The following GALNT13 variants were observed in gnomAD, a reference collection of about 807,000 sequenced individuals.
GALNT13 encodes polypeptide N-acetylgalactosaminyltransferase 13.
Under a neutral mutation model 64.2 loss-of-function variants are expected in GALNT13, and 28 were observed. The observed-to-expected ratio is 0.44, with a 90% confidence interval of 0.32 to 0.60. The LOEUF is 0.60. GALNT13 is among the 20% of genes least tolerant of loss of function. The pLI is 0.05. For missense variants in GALNT13, 577 were observed against 669.8 expected, an observed-to-expected ratio of 0.86 and a Z score of 1.53; for synonymous variants, 214 against 224.6, an observed-to-expected ratio of 0.95 and a Z score of 0.42.
At chr2:153,169,332 C>T in the GALNT13 span, among the ~76,000 whole-genome samples, 2 of 152,230 alleles carry the variant, frequency 1.3e-5, no homozygotes, top group African/African-American at 4.8e-5. Flanking sequence ...GTTTTTGATT[C>T]AGGTGGACAG....
chr2:153,425,075 G>T, the GALNT13 span, among the ~76,000 whole-genome samples: 1 of 151,664 alleles, frequency 6.6e-6, no homozygotes, highest in South Asian at 2.1e-4. Context: ...ATTATATATT[G>T]CAGTGGATAT....
chr2:153,907,732 T>C (rs1223483583), intron 2 of GALNT13, among the ~76,000 whole-genome samples: 1 of 151,948 alleles, frequency 6.6e-6, no homozygotes, highest in Non-Finnish European at 1.5e-5. Context: ...AAGGATATGA[T>C]CTAATTTTTT....
chr2:154,172,839 A>G (rs1467848319), intron 4 of GALNT13, among the ~76,000 whole-genome samples: 3 of 152,060 alleles, frequency 2.0e-5, no homozygotes, highest in Non-Finnish European at 2.9e-5. Context: ...AAAAAAATTG[A>G]TAGATATTCT....
intron 2 of GALNT13, among the ~76,000 whole-genome samples, chr2:153,929,981 C>T (rs1690404529): frequency 6.6e-6 from 1 of 152,132 alleles, no homozygotes; most frequent in Non-Finnish European, 1.5e-5. Flanking sequence ...TATAAACATT[C>T]CCTTTTCTCC....
At chr2:153,208,973 C>CTTTTTTT in the GALNT13 span, among the ~76,000 whole-genome samples, 4,410 of 74,620 alleles carry the variant, frequency 0.059, 692 homozygotes, top group Non-Finnish European at 0.085. Context: ...TGGTTTTGGT[C>CTTTTTTT]TTTTTTTTTT....
chr2:153,331,122 C>T, the GALNT13 span, among the ~76,000 whole-genome samples: 1 of 152,078 alleles, frequency 6.6e-6, no homozygotes, highest in African/African-American at 2.4e-5. Context: ...AGAAGTGAAG[C>T]CTACATGATC....
the GALNT13 span, among the ~76,000 whole-genome samples, chr2:153,116,794 CTTTTTT>C: frequency 3.6e-5 from 3 of 82,466 alleles, no homozygotes; most frequent in African/African-American, 1.3e-4. Context: ...GTGTTGTCTT[CTTTTTT>C]TTTTTTTTTT....
At chr2:153,326,579 G>T in the GALNT13 span, among the ~76,000 whole-genome samples, 1 of 152,094 alleles carries the variant, frequency 6.6e-6, no homozygotes, top group African/African-American at 2.4e-5. Flanking sequence ...TCTTCATAGT[G>T]TCGATGGTCT....
intron 3 of GALNT13, among the ~76,000 whole-genome samples, chr2:154,005,668 G>A (rs541109836): frequency 1.1e-4 from 17 of 151,942 alleles, no homozygotes; most frequent in African/African-American, 2.4e-4. Context: ...TCCCAGATGC[G>A]TACAAATATA....
At chr2:154,229,299 A>T (rs1461857250) in intron 4 of GALNT13, among the ~76,000 whole-genome samples, 1 of 152,056 alleles carries the variant, frequency 6.6e-6, no homozygotes, top group Non-Finnish European at 1.5e-5. Flanking sequence ...TATGGCCCAT[A>T]GCCAACGTAT....
At chr2:154,001,641 G>T (rs1184230111) in intron 3 of GALNT13, among the ~76,000 whole-genome samples, 1 of 151,764 alleles carries the variant, frequency 6.6e-6, no homozygotes, top group Non-Finnish European at 1.5e-5. Flanking sequence ...AACAATTATG[G>T]TAGCTATTAT....
chr2:154,373,937 G>A (rs1324875143), intron 9 of GALNT13, among the ~76,000 whole-genome samples: 1 of 152,018 alleles, frequency 6.6e-6, no homozygotes, highest in Non-Finnish European at 1.5e-5. Context: ...CCATTTTTTG[G>A]TCTCAAGAAG....
the GALNT13 span, among the ~76,000 whole-genome samples, chr2:153,769,912 T>C: frequency 2.0e-5 from 3 of 152,236 alleles, no homozygotes; most frequent in African/African-American, 7.2e-5. Context: ...TTTTCATTTC[T>C]AGGAGTTCTG....
chr2:154,359,614 A>G (rs1000527329), intron 9 of GALNT13, among the ~76,000 whole-genome samples: 2 of 152,100 alleles, frequency 1.3e-5, no homozygotes, highest in Non-Finnish European at 2.9e-5. Context: ...ATGTAAGACA[A>G]TCTGCTTGTG....
intron 3 of GALNT13, among the ~76,000 whole-genome samples, chr2:154,017,140 C>T (rs540745262): frequency 2.0e-5 from 3 of 152,018 alleles, no homozygotes; most frequent in South Asian, 2.1e-4. Context: ...AGAAAGGGCA[C>T]GAGATGAGAA....
the GALNT13 span, among the ~76,000 whole-genome samples, chr2:153,375,630 C>CT: frequency 6.6e-6 from 1 of 152,152 alleles, no homozygotes; most frequent in Non-Finnish European, 1.5e-5. Context: ...ACTGAATTAT[C>CT]TTTTTGTTTC....
chr2:153,235,466 A>C, the GALNT13 span, among the ~76,000 whole-genome samples: 2 of 152,080 alleles, frequency 1.3e-5, no homozygotes. Context: ...TGCTGCTATT[A>C]AGCATATTCT....
At chr2:153,587,849 T>G in the GALNT13 span, among the ~76,000 whole-genome samples, 19 of 152,186 alleles carry the variant, frequency 1.2e-4, no homozygotes, top group African/African-American at 3.9e-4. Flanking sequence ...ACAAGGCAAG[T>G]CTCTTCTGCC....
chr2:153,334,242 T>C, the GALNT13 span, among the ~76,000 whole-genome samples: 1 of 152,226 alleles, frequency 6.6e-6, no homozygotes, highest in African/African-American at 2.4e-5. Context: ...ATGGGCAATA[T>C]TGAGATGTCT....
Sources: gnomAD v4.1 joint callset for allele counts (sites outside exome capture counted in the v4.1 genomes callset) on GRCh38, gnomAD v4.1.1 for gene constraint, MANE v1.5 for transcripts, NCBI Gene and HGNC (gene_info 2026-07-23, HGNC 2026-07-21) for gene names.